The following DLG2 variants were observed in gnomAD, a reference collection of about 807,000 sequenced individuals.
DLG2 encodes discs large MAGUK scaffold protein 2.
In DLG2, 45 loss-of-function variants were observed where a neutral mutation model predicts 132.5. The ratio of observed to expected loss-of-function variants is 0.34; its 90% CI spans 0.27 to 0.44. The LOEUF (loss-of-function observed/expected upper bound fraction) is 0.44. Ranked by LOEUF, DLG2 falls within the 20% of genes least tolerant of loss-of-function variation. The pLI is 1.00. For synonymous variants in DLG2, 424 were observed against 419.6 expected (o/e 1.01, Z -0.13); for missense variants, 1,045 against 1,196.9 (o/e 0.87, Z 1.87).
chr11:83,675,066 G>A (rs1347526348), intron 18 of DLG2, among the ~76,000 whole-genome samples: 1 of 152,166 alleles, frequency 6.6e-6, no homozygotes, highest in Non-Finnish European at 1.5e-5. Context: ...TGTAAAAGTG[G>A]AAAAACAATC....
chr11:84,952,201 C>T (rs144772992), intron 6 of DLG2, among the ~76,000 whole-genome samples: 64 of 152,330 alleles, frequency 4.2e-4, no homozygotes, highest in African/African-American at 1.5e-3. Flanking sequence ...TAACTCACTG[C>T]CTCTAATGTG....
chr11:84,322,123 A>G (rs890256155), intron 7 of DLG2, among the ~76,000 whole-genome samples: 2 of 152,242 alleles, frequency 1.3e-5, no homozygotes, highest in Non-Finnish European at 1.5e-5. Flanking sequence ...ATTGAAATAA[A>G]TCAAACATGG....
At chr11:84,838,689 T>C (rs1220999270) in intron 6 of DLG2, among the ~76,000 whole-genome samples, 1 of 152,066 alleles carries the variant, frequency 6.6e-6, no homozygotes, top group Non-Finnish European at 1.5e-5. Context: ...TGGTTCAACA[T>C]ATGCAAATCA....
chr11:83,634,539 C>T (rs2064295023), intron 18 of DLG2, among the ~76,000 whole-genome samples: 1 of 151,990 alleles, frequency 6.6e-6, no homozygotes, highest in African/African-American at 2.4e-5. Context: ...AGAAACTCAC[C>T]ATGAAGAATT....
chr11:84,137,001 A>G (rs2094626715), intron 9 of DLG2, among the ~76,000 whole-genome samples: 1 of 152,128 alleles, frequency 6.6e-6, no homozygotes, highest in African/African-American at 2.4e-5. Flanking sequence ...AAAAAACACT[A>G]CAAACTATTC....
At chr11:83,501,716 C>T (rs1166669460) in intron 21 of DLG2, among the ~76,000 whole-genome samples, 1 of 152,098 alleles carries the variant, frequency 6.6e-6, no homozygotes, top group Non-Finnish European at 1.5e-5. Flanking sequence ...ATTGTTTCCC[C>T]CCAAATCCAG....
chr11:85,013,206 A>T (rs930951149), intron 6 of DLG2, among the ~76,000 whole-genome samples: 8 of 152,158 alleles, frequency 5.3e-5, no homozygotes, highest in African/African-American at 1.9e-4. Flanking sequence ...GTAGTATAGT[A>T]GCCTTTGTGA....
rs1462881219 is a variant in DLG2, at chr11:83,457,790, T to C, written c.*2028A>G. On this transcript the variant is annotated 3_prime_UTR_variant, in exon 28 of 28. Coordinates refer to ENST00000376104, the MANE Select transcript of DLG2 (RefSeq NM_001142699.3). ...AACTGGCGAATTGCAGACATGGACA[T>C]ATCTTTAACATTTTGAGCAATCTAA... is the stretch of plus-strand genomic sequence containing the variant. 6.6e-6 allele frequency: 1 copy of C among 152,606 alleles called. No homozygotes were observed. Among genetic ancestry groups the C allele is most frequent in the Non-Finnish European group, 1.5e-5 (1 of 68,038 alleles). 9.5% of individuals were successfully genotyped at this position (152,606 alleles called of 1,614,324 possible).
intron 7 of DLG2, among the ~76,000 whole-genome samples, chr11:84,409,446 G>A (rs1469984627): frequency 1.3e-5 from 2 of 152,176 alleles, no homozygotes; most frequent in East Asian, 1.9e-4. Context: ...ATGAAAGCCG[G>A]TTATAGGGAA....
chr11:83,503,416 T>TAGATAG (rs1287156340), intron 21 of DLG2, among the ~76,000 whole-genome samples: 58 of 71,360 alleles, frequency 8.1e-4, no homozygotes, highest in East Asian at 3.5e-3. Context: ...TATATATATA[T>TAGATAG]ATATATAGAT....
At chr11:84,037,373 G>C (rs12275051) in intron 11 of DLG2, among the ~76,000 whole-genome samples, 128 of 152,162 alleles carry the variant, frequency 8.4e-4, no homozygotes, top group Admixed American at 1.6e-3. Context: ...AAGACAGCTA[G>C]TTGAAATTTC....
At chr11:84,984,908 T>A (rs2056279721) in intron 6 of DLG2, among the ~76,000 whole-genome samples, 1 of 152,178 alleles carries the variant, frequency 6.6e-6, no homozygotes, top group Non-Finnish European at 1.5e-5. Flanking sequence ...TATATAATGA[T>A]AACAGGCCTT....
intron 4 of DLG2, among the ~76,000 whole-genome samples, chr11:85,216,298 T>G (rs1030712837): frequency 7.9e-5 from 12 of 152,174 alleles, no homozygotes; most frequent in African/African-American, 2.9e-4. Context: ...TCCTACTTAT[T>G]TATAGCAAAA....
chr11:84,621,844 G>A (rs1565478662), intron 6 of DLG2, among the ~76,000 whole-genome samples: 1 of 152,046 alleles, frequency 6.6e-6, no homozygotes, highest in Admixed American at 6.6e-5. Flanking sequence ...TGGCAGGAGG[G>A]ATTTATTTGC....
chr11:85,611,377 T>C (rs755510207), intron 2 of DLG2, among the ~76,000 whole-genome samples: 4 of 152,158 alleles, frequency 2.6e-5, no homozygotes, highest in Admixed American at 6.5e-5. Flanking sequence ...GACCGGTGCT[T>C]CAAATACCTA....
chr11:84,842,239 A>T (rs1326119575), intron 6 of DLG2, among the ~76,000 whole-genome samples: 2 of 152,010 alleles, frequency 1.3e-5, no homozygotes, highest in African/African-American at 2.4e-5. Flanking sequence ...ATTATTCAAA[A>T]TACTTTACCT....
At chr11:84,264,384 A>G (rs2097585136) in intron 7 of DLG2, among the ~76,000 whole-genome samples, 1 of 152,152 alleles carries the variant, frequency 6.6e-6, no homozygotes, top group South Asian at 2.1e-4. Context: ...AAATTATTCT[A>G]TAAAGCAAGG....
chr11:84,368,276 T>C (rs2098692165), intron 7 of DLG2, among the ~76,000 whole-genome samples: 1 of 152,122 alleles, frequency 6.6e-6, no homozygotes. Flanking sequence ...AATATCTTAT[T>C]TTAGCTTTTT....
chr11:85,004,361 C>G (rs897531974), intron 6 of DLG2, among the ~76,000 whole-genome samples: 2 of 152,158 alleles, frequency 1.3e-5, no homozygotes, highest in African/African-American at 4.8e-5. Flanking sequence ...TCCTATTTCT[C>G]CACGTCCTCT....
Sources: gnomAD v4.1 joint callset for allele counts (sites outside exome capture counted in the v4.1 genomes callset) on GRCh38, gnomAD v4.1.1 for gene constraint, MANE v1.5 for transcripts, NCBI Gene and HGNC (gene_info 2026-07-23, HGNC 2026-07-21) for gene names.